Variants in TPR observed in about 807,000 individuals in gnomAD.
TPR encodes the protein nucleoprotein TPR.
Under a neutral mutation model 316.1 loss-of-function variants are expected in TPR, and 51 were observed. That is an observed-to-expected ratio of 0.16 (90% CI 0.13 to 0.20). TPR has a LOEUF of 0.20. Ranked by LOEUF, TPR falls within the 10% of genes least tolerant of loss-of-function variation. The pLI is 1.00. For synonymous variants in TPR, 981 were observed against 914.7 expected (o/e 1.07, Z -1.31); for missense variants, 2,272 against 2,754.8 (o/e 0.82, Z 3.92).
chr1:186,336,953 C>A, intron 32 of TPR, 60 bp downstream of exon 32: 1 of 1,602,630 alleles, frequency 6.2e-7, no homozygotes, highest in Non-Finnish European at 8.5e-7. Flanking sequence ...GTAGTTAACA[C>A]ATATTTCTTT....
chr1:186,370,943 G>A (rs763847930), intron 3 of TPR, 27 bp downstream of exon 3: 2 of 1,577,072 alleles, frequency 1.3e-6, no homozygotes, highest in Admixed American at 1.7e-5. Context: ...TGTCTACAAT[G>A]AGCTTATTCT....
At chr1:186,325,700 G>A (rs966206052) in intron 42 of TPR, 64 bp downstream of exon 42, 6 of 1,254,302 alleles carry the variant, frequency 4.8e-6, no homozygotes, top group Admixed American at 3.9e-5. Flanking sequence ...TTAGAATTAA[G>A]TGCAATTCTA....
In TPR at chr1:186,355,400, G is replaced by C. The variant is rs192642207; in HGVS notation, c.2171+10C>G. 8.7e-6 allele frequency: 14 copies of C among 1,602,460 alleles called. No individual in the cohort carries two copies. The highest frequency in any genetic ancestry group is 1.8e-4 in the Middle Eastern group (1 of 5,476). Reference sequence around the variant, plus strand: ...TAGACTTAATTAATTTGAAACAAAAGAAAACTTACCGTTTAGAAGCAAAAT... The same window carrying C: ...TAGACTTAATTAATTTGAAACAAAACAAAACTTACCGTTTAGAAGCAAAAT... On this transcript the variant is annotated intron_variant, in intron 17 of 50. Transcript: ENST00000367478.
At chr1:186,320,561 A>G (rs1657747960) in intron 45 of TPR, 143 bp from the exon 46 acceptor site, 3 of 712,822 alleles carry the variant, frequency 4.2e-6, no homozygotes, top group East Asian at 2.8e-5. Flanking sequence ...TATTTATTTT[A>G]AAGGGTTTCT....
chr1:186,341,117 T>G lies in TPR; in HGVS notation c.3931A>C (p.Asn1311His). Residue 1311 changes from asparagine to histidine, a missense_variant, in exon 29 of 51, where the codon AAT becomes CAT. By Grantham distance (68) the Asn-to-His change is moderately conservative. This residue lies in a region of TPR where 757 missense variants were observed against 859.8 expected (regional missense o/e 0.88). Transcript: ENST00000367478. Reference sequence around the variant, plus strand: ...CCGCTTTTCTCACTCAGCTCAGCATTTGCTTCTTGTAAGGGTAAAATATCT... The same window carrying G: ...CCGCTTTTCTCACTCAGCTCAGCATGTGCTTCTTGTAAGGGTAAAATATCT... ...ELDILPLQEA[N>H]AELSEKSGML... 2.5e-6 allele frequency: 4 copies of G among 1,614,134 alleles called. No homozygotes were observed. The highest frequency in any genetic ancestry group is 3.4e-6 in the Non-Finnish European group (4 of 1,180,020).
rs762763855 is a variant in TPR, at chr1:186,361,669, G to C, written c.911C>G (p.Thr304Ser). 6.2e-7 allele frequency: 1 copy of C among 1,613,396 alleles called. No individual in the cohort carries two copies. Among genetic ancestry groups the C allele is most frequent in the Non-Finnish European group, 8.5e-7 (1 of 1,179,478 alleles). ...TTTGTGTAGTTCCTCTACTGCCCGG[G>C]TTAGTTCATTGCTCTTTGCTTCTGA... ...DDSEAKSNEL[T>S]RAVEELHKLL... is the part of the protein sequence containing the mutation. The change falls in exon 9 of 51, where the codon ACC (threonine) becomes AGC (serine). Residue 304 changes from threonine to serine, a missense_variant. By Grantham distance (58) the Thr-to-Ser change is moderately conservative (BLOSUM62 1). Around this residue, in one of 10 missense-constraint regions of TPR, gnomAD observed 549 missense variants for 598.6 expected, o/e 0.92. Coordinates refer to ENST00000367478, the MANE Select transcript of TPR (RefSeq NM_003292.3).
At chr1:186,343,143 G>T in intron 27 of TPR, 183 bp downstream of exon 27, 1 of 649,836 alleles carries the variant, frequency 1.5e-6, no homozygotes, top group Non-Finnish European at 2.2e-6. Context: ...AGGCAGTTTG[G>T]TTACAGAGCC....
intron 36 of TPR, among the ~76,000 whole-genome samples, chr1:186,334,021 G>A (rs1174692358): frequency 6.6e-6 from 1 of 152,116 alleles, no homozygotes; most frequent in Non-Finnish European, 1.5e-5. Context: ...TTGCTGTAAT[G>A]AATAACAAGA....
chr1:186,360,777 T>C lies in TPR; in HGVS notation c.1087A>G (p.Thr363Ala), dbSNP rs1349068069. Reference protein sequence around the residue: ...LENANDLLSATKRKGAILSEE... With the variant: ...LENANDLLSAAKRKGAILSEE... ...CTATTAGCCATACCTTTACGTTTTG[T>C]GGCAGAAAGAAGGTCATTTGCATTC... Residue 363 changes from threonine to alanine, a missense_variant, in exon 10 of 51, where the codon ACA (threonine) becomes GCA (alanine). Thr to Ala is a moderately conservative substitution (Grantham distance 58). Around this residue, in one of 10 missense-constraint regions of TPR, gnomAD observed 549 missense variants for 598.6 expected, o/e 0.92. Coordinates refer to ENST00000367478, the MANE Select transcript of TPR (RefSeq NM_003292.3). 6.2e-7 allele frequency: 1 copy of C among 1,612,926 alleles called. No individual in the cohort carries two copies. Among genetic ancestry groups the C allele is most frequent in the Admixed American group, 1.7e-5 (1 of 59,926 alleles).
Position 186,351,403 on chromosome 1 carries a change from T to G in TPR, c.2537A>C (p.His846Pro). The G allele has an allele frequency of 6.2e-7, 1 of 1,612,636 alleles. No individual in the cohort carries two copies. The highest frequency in any genetic ancestry group is 8.5e-7 in the Non-Finnish European group (1 of 1,179,392). Residue 846 changes from histidine (H) to proline (P), a missense_variant, in exon 20 of 51, where the codon CAT becomes CCT. His to Pro is a moderately conservative substitution (Grantham distance 77). Transcript: ENST00000367478. The part of the protein sequence containing the change: ...RLSSQIEKLE[H>P]EISHLKKKLE... The stretch of plus-strand genomic sequence containing the variant: ...CTTCTTCTTTAGATGAGAGATCTCA[T>G]GTTCCAGTTTTTCTATCTGGCTACT...
chr1:186,334,325 CTTCCTG>C lies in TPR; in HGVS notation c.5176_5181del (p.Gln1726_Glu1727del). ...ATCAGATCTGTATTATTTTACTAACCTTCCTGTGATTCCACTTGTGTAGTGGGCATC... is the reference window on the plus strand; with the variant it reads ...ATCAGATCTGTATTATTTTACTAACCTGATTCCACTTGTGTAGTGGGCATC... On this transcript the variant is annotated inframe_deletion and splice_region_variant, in exon 36 of 51. Transcript: ENST00000367478. 6.2e-7 allele frequency: 1 copy of C among 1,610,014 alleles called. No individual in the cohort carries two copies. The highest frequency in any genetic ancestry group is 8.5e-7 in the Non-Finnish European group (1 of 1,177,624).
intron 17 of TPR, among the ~76,000 whole-genome samples, chr1:186,354,799 T>C (rs892686395): frequency 6.6e-6 from 1 of 152,222 alleles, no homozygotes; most frequent in Non-Finnish European, 1.5e-5. Context: ...ATTTCTCTCA[T>C]CATCTGGTGC....
In TPR at chr1:186,323,777, C is replaced by T. The variant is rs2102054337; in HGVS notation, c.6206G>A (p.Arg2069Gln). 5 of 1,540,832 alleles carry T rather than the reference C, an allele frequency of 3.2e-6. No homozygotes were observed. Among genetic ancestry groups the T allele is most frequent in the Middle Eastern group, 1.7e-4 (1 of 5,826 alleles). ...PSSASERQAP[R>Q]APQSPRRPPH... ...TGGGCGTCTCGGTGACTGAGGTGCT[C>T]GAGGGGCCTGTCTTTCAGATGCTGA... The change falls in exon 43 of 51, where the codon CGA becomes CAA. Residue 2069 changes from arginine to glutamine, a missense_variant. Physicochemically the swap from Arg to Gln is conservative, Grantham distance 43 (BLOSUM62 1). This residue lies in a region of TPR where 435 missense variants were observed against 461.1 expected (regional missense o/e 0.94). Transcript: ENST00000367478.
Position 186,320,408 on chromosome 1 carries a change from C to A in TPR, c.6472G>T (p.Val2158Phe), listed in dbSNP as rs773467029. Residue 2158 changes from valine (V) to phenylalanine (F), a missense_variant, in exon 46 of 51, where the codon GTT becomes TTT. Coordinates refer to ENST00000367478, the MANE Select transcript of TPR (RefSeq NM_003292.3). ...GFAEAIHSPQ[V>F]AGVPRFRFGP... is the part of the protein sequence containing the mutation. Reference sequence around the variant, plus strand: ...AACCGGAATCTAGGGACACCAGCAACCTGCGGCGAACTAAATGGACAAAAA... The same window carrying A: ...AACCGGAATCTAGGGACACCAGCAAACTGCGGCGAACTAAATGGACAAAAA... 1 of 1,609,294 alleles carries A rather than the reference C, an allele frequency of 6.2e-7. No homozygotes were observed. Among genetic ancestry groups the A allele is most frequent in the African/African-American group, 1.3e-5 (1 of 74,834 alleles).
chr1:186,339,668 A>G lies in TPR; in HGVS notation c.4125T>C (p.Ile1375=), dbSNP rs547631965. The G allele has an allele frequency of 3.4e-5, 54 of 1,586,542 alleles. 1 individual carries two copies. The South Asian group carries it at 5.8e-4, about 17-fold the overall frequency. The change falls in exon 30 of 51, where the codon ATT becomes ATC. Residue 1375 remains isoleucine, a synonymous_variant. Coordinates refer to ENST00000367478, the MANE Select transcript of TPR (RefSeq NM_003292.3). ...TTGCAATTTCAGCTTTAAGTCTACC[A>G]ATTTCTTCTGTCAATTGTTGAATAC... ...TKRIQQLTEE[I]GRLKAEIARS...
At chr1:186,314,788 CAAACTAATTACTAAATG>C in intron 49 of TPR, 64 bp from the exon 50 acceptor site, 1 of 997,184 alleles carries the variant, frequency 1.0e-6, no homozygotes, top group East Asian at 2.5e-5. Flanking sequence ...TATAATGATA[CAAACTAATTACTAAATG>C]AATGAATGAA....
rs368470841 is a variant in TPR, at chr1:186,367,977, T to C, written c.336A>G (p.Gln112=). 17 of 1,608,710 alleles carry C rather than the reference T, an allele frequency of 1.1e-5. No individual in the cohort carries two copies. The highest frequency in any genetic ancestry group is 1.4e-5 in the Non-Finnish European group (17 of 1,178,738). Residue 112 remains glutamine, a synonymous_variant, in exon 4 of 51, where the codon CAA becomes CAG. Coordinates refer to ENST00000367478, the MANE Select transcript of TPR (RefSeq NM_003292.3). ...AQDRNIAIQS[Q]FTRTKEELEA... The stretch of plus-strand genomic sequence containing the variant: ...CTAATTCTTCCTTTGTTCTTGTAAA[T>C]TGGCTCTGTCATATAAAGAAGTAAT...
rs1658571756 is a variant in TPR at position 186,343,412 on chromosome 1, G to C, written c.3664C>G (p.Leu1222Val). The change falls in exon 27 of 51, where the codon CTG (leucine) becomes GTG (valine). Residue 1222 changes from leucine to valine, a missense_variant. By Grantham distance (32) the Leu-to-Val change is conservative (BLOSUM62 1). Coordinates refer to ENST00000367478, the MANE Select transcript of TPR (RefSeq NM_003292.3). ...AGTTCAACCCTTTGTCGATAACGCA[G>C]ACTCTCAACCTGAGCCACCTCAAAC... ...TRFEVAQVESLRYRQRVELLE... is the reference protein window; with the variant it reads ...TRFEVAQVESVRYRQRVELLE... 1 of 1,614,054 alleles carries C rather than the reference G, an allele frequency of 6.2e-7. No homozygotes were observed. The highest frequency in any genetic ancestry group is 2.2e-5 in the East Asian group (1 of 44,852).
chr1:186,362,187 G>A (rs2101985503), intron 7 of TPR, 101 bp downstream of exon 7: 1 of 932,278 alleles, frequency 1.1e-6, no homozygotes. Flanking sequence ...ACTGTTTTAT[G>A]GGGCCAAGGA....
Sources: allele counts gnomAD v4.1 joint callset (sites outside exome capture counted in the v4.1 genomes callset), GRCh38; gene constraint gnomAD v4.1.1; regional missense constraint gnomAD v4.1.1; transcripts MANE v1.5; gene names NCBI Gene and HGNC (gene_info 2026-07-23, HGNC 2026-07-21).